Variants in NDUFAF7 observed in about 807,000 individuals in gnomAD.
NDUFAF7 encodes protein arginine methyltransferase NDUFAF7, mitochondrial.
Under a neutral mutation model 47.2 loss-of-function variants are expected in NDUFAF7, and 48 were observed. That is an observed-to-expected ratio of 1.02 (90% CI 0.81 to 1.29). The LOEUF is 1.29. Ranked by LOEUF, NDUFAF7 falls within the 50% of genes most tolerant of loss-of-function variation. NDUFAF7 has a pLI of 0.00. For missense variants in NDUFAF7, 635 were observed against 537.6 expected (o/e 1.18, Z -1.79); for synonymous variants, 217 against 190.0 (o/e 1.14, Z -1.17).
At chr2:37,255,953 G>A (rs1404251783), downstream of NDUFAF7, among the ~76,000 whole-genome samples, 1 of 152,192 alleles carries the variant, frequency 6.6e-6, no homozygotes. Context: ...AGTCGAGGCT[G>A]CAGTGAGCTG....
intron 1 of NDUFAF7, 119 bp from the exon 2 acceptor site, chr2:37,231,987 G>T: frequency 6.2e-7 from 1 of 1,601,988 alleles, no homozygotes; most frequent in Admixed American, 1.7e-5. Context: ...ACAGTAGCCC[G>T]CGGTCTGCGG....
the NDUFAF7 span, among the ~76,000 whole-genome samples, chr2:37,259,052 G>GGAAA: frequency 2.2e-4 from 33 of 148,764 alleles, no homozygotes; most frequent in South Asian, 1.1e-3. Flanking sequence ...TGAACACTTG[G>GGAAA]AAAAAAAAAA....
At chr2:37,263,599 T>C in the NDUFAF7 span, among the ~76,000 whole-genome samples, 1 of 152,226 alleles carries the variant, frequency 6.6e-6, no homozygotes, top group African/African-American at 2.4e-5. Flanking sequence ...TCTTCCACTG[T>C]TAAAGTGGCC....
the NDUFAF7 span, among the ~76,000 whole-genome samples, chr2:37,270,142 G>A: frequency 3.3e-5 from 5 of 151,876 alleles, no homozygotes; most frequent in African/African-American, 7.3e-5. Context: ...CAGGAGAATC[G>A]CTTGAACCCA....
chr2:37,269,767 A>T, the NDUFAF7 span: 15 of 958,622 alleles, frequency 1.6e-5, no homozygotes, highest in African/African-American at 9.9e-5. Flanking sequence ...TCATCCAAAT[A>T]CTTCAATACA....
downstream of NDUFAF7, chr2:37,257,072 G>A: frequency 2.1e-6 from 2 of 962,538 alleles, no homozygotes; most frequent in Non-Finnish European, 3.0e-6. Context: ...TAAGGAAATT[G>A]TAAAATATCC....
the NDUFAF7 span, chr2:37,259,550 G>A: frequency 6.6e-7 from 1 of 1,524,774 alleles, no homozygotes; most frequent in Non-Finnish European, 9.0e-7. Flanking sequence ...AATGTTGCCA[G>A]AATCATTTAA....
At chr2:37,256,978 TAAC>T, downstream of NDUFAF7, 1 of 1,582,772 alleles carries the variant, frequency 6.3e-7, no homozygotes, top group East Asian at 2.2e-5. Flanking sequence ...GTTATATATG[TAAC>T]TACCTGTCCC....
At chr2:37,262,783 C>T in the NDUFAF7 span, among the ~76,000 whole-genome samples, 1 of 152,088 alleles carries the variant, frequency 6.6e-6, no homozygotes, top group Non-Finnish European at 1.5e-5. Context: ...TTTACATTTT[C>T]TATTTCCTCT....
chr2:37,259,513 T>A, the NDUFAF7 span: 2 of 1,231,454 alleles, frequency 1.6e-6, no homozygotes, highest in Non-Finnish European at 2.3e-6. Context: ...CTTAGTACAC[T>A]GCCTTTTATT....
chr2:37,261,820 G>GAA, the NDUFAF7 span, among the ~76,000 whole-genome samples: 1 of 152,118 alleles, frequency 6.6e-6, no homozygotes, highest in Non-Finnish European at 1.5e-5. Context: ...CTTAACAATG[G>GAA]TTCAACTTAC....
chr2:37,232,150 G>A lies in NDUFAF7; in HGVS notation c.100G>A (p.Glu34Lys), dbSNP rs769179986. 16 of 1,614,238 alleles carry A rather than the reference G, an allele frequency of 9.9e-6. No homozygotes were observed. The highest frequency in any genetic ancestry group is 5.5e-5 in the South Asian group (5 of 91,090). The change falls in exon 2 of 10, where the codon GAG becomes AAG. Residue 34 changes from glutamate (E) to lysine (K), a missense_variant. Transcript: ENST00000002125. ...WRGKYFSSGN[E>K]PAENPVTPML... ...AGGGAAATACTTCAGCTCCGGGAAT[G>A]AGCCTGCAGAAAACCCGGTGACGCC...
At chr2:37,262,901 C>A in the NDUFAF7 span, among the ~76,000 whole-genome samples, 24 of 147,750 alleles carry the variant, frequency 1.6e-4, no homozygotes, top group South Asian at 5.2e-3. Flanking sequence ...TCCTTCCCCC[C>A]CCCGTATTTG....
downstream of NDUFAF7, chr2:37,254,117 G>C: frequency 2.1e-6 from 2 of 938,108 alleles, no homozygotes; most frequent in East Asian, 4.8e-5. Context: ...TTATTCTGCT[G>C]ATCTTAGAGT....
the NDUFAF7 span, among the ~76,000 whole-genome samples, chr2:37,262,131 G>A: frequency 6.6e-6 from 1 of 152,288 alleles, no homozygotes; most frequent in South Asian, 2.1e-4. Flanking sequence ...CGCAAAATGA[G>A]GAGCATCCTG....
At chr2:37,259,694 A>G in the NDUFAF7 span, 1 of 1,577,718 alleles carries the variant, frequency 6.3e-7, no homozygotes, top group Non-Finnish European at 8.7e-7. Context: ...GTTATGAAAA[A>G]AGATTTTCTT....
chr2:37,231,809 G>T lies in NDUFAF7; in HGVS notation c.55+49G>T, dbSNP rs372101735. On this transcript the variant is annotated intron_variant, in intron 1 of 9. Transcript: ENST00000002125. ...CCGGTTGCCGTGGAAGCCGCGTGGG[G>T]CGCCTTCCTCAGCTCTTCAGTTGAG... 22 of 1,612,248 alleles carry T rather than the reference G, an allele frequency of 1.4e-5. No individual in the cohort carries two copies. The Middle Eastern group carries it at 5.2e-4, about 38-fold the overall frequency.
rs1301962865 is a variant in NDUFAF7 at position 37,237,249 on chromosome 2, C to T, written c.298-508C>T. On this transcript the variant is annotated intron_variant, in intron 3 of 9. Transcript: ENST00000002125. ...CCTCCCAAAGTGCTGGGATTATAGG[C>T]GTGAGCCACCACGCCCAGCCAAGTC... Among the ~76,000 whole-genome samples, 4 of 152,306 alleles carry T rather than the reference C, an allele frequency of 2.6e-5. No individual in the cohort carries two copies. The East Asian group carries it at 5.8e-4, about 22-fold the overall frequency.
chr2:37,269,073 T>G, the NDUFAF7 span: 1 of 154,600 alleles, frequency 6.5e-6, no homozygotes, highest in Admixed American at 6.4e-5. Context: ...ATATTAAGTT[T>G]AATTAATATT....
Sources: gnomAD v4.1 joint callset for allele counts (sites outside exome capture counted in the v4.1 genomes callset) on GRCh38, gnomAD v4.1.1 for gene constraint, MANE v1.5 for transcripts, NCBI Gene and HGNC (gene_info 2026-07-23, HGNC 2026-07-21) for gene names.